The following RARB variants were observed in gnomAD, a reference collection of about 807,000 sequenced individuals.
The protein encoded by RARB is HBV-activated protein.
A neutral mutation model predicts 51.9 loss-of-function variants in RARB; 17 were observed. The ratio of observed to expected loss-of-function variants is 0.33; its 90% CI spans 0.22 to 0.49. The LOEUF is 0.49. Among genes scored for constraint, RARB ranks in the 20% least tolerant of loss-of-function variants. RARB has a pLI of 0.99. For synonymous variants in RARB, 215 were observed against 195.4 expected, an observed-to-expected ratio of 1.10 and a Z score of -0.84; for missense variants, 369 against 550.8, an observed-to-expected ratio of 0.67 and a Z score of 3.30.
chr3:24,944,321 G>A (rs1695730554), intron 2 of RARB, among the ~76,000 whole-genome samples: 1 of 152,174 alleles, frequency 6.6e-6, no homozygotes, highest in Non-Finnish European at 1.5e-5. Context: ...AGAGTCCAGT[G>A]CTTGACACAT....
chr3:25,041,078 TTTC>T (rs535611040), intron 2 of RARB, among the ~76,000 whole-genome samples: 7 of 152,212 alleles, frequency 4.6e-5, no homozygotes, highest in African/African-American at 7.2e-5. Flanking sequence ...CACATTTTGC[TTTC>T]TTCTTACAAC....
intron 5 of RARB, among the ~76,000 whole-genome samples, chr3:25,319,593 C>G (rs1440803514): frequency 6.6e-6 from 1 of 152,216 alleles, no homozygotes; most frequent in African/African-American, 2.4e-5. Flanking sequence ...AGGGTCTTTT[C>G]CTCACAGGCC....
At chr3:25,197,128 A>C (rs1701261999) in intron 5 of RARB, among the ~76,000 whole-genome samples, 2 of 152,124 alleles carry the variant, frequency 1.3e-5, no homozygotes, top group African/African-American at 4.8e-5. Context: ...TGTTTTAGAC[A>C]TGAAGTCCTT....
chr3:25,544,144 C>A, intron 3 of RARB, among the ~76,000 whole-genome samples: 1 of 151,280 alleles, frequency 6.6e-6, no homozygotes, highest in Non-Finnish European at 1.5e-5. Context: ...GAAATATTTA[C>A]AAAGTTAAGT....
intron 5 of RARB, among the ~76,000 whole-genome samples, chr3:25,293,806 G>A (rs533790983): frequency 6.6e-6 from 1 of 152,052 alleles, no homozygotes; most frequent in Admixed American, 6.6e-5. Flanking sequence ...TGAAGAACTG[G>A]TTCTGCTCAC....
chr3:25,127,878 TGA>T (rs533159195), intron 3 of RARB, among the ~76,000 whole-genome samples: 121 of 152,268 alleles, frequency 7.9e-4, no homozygotes, highest in African/African-American at 2.8e-3. Flanking sequence ...ACTTCTGTGT[TGA>T]GTTTTAGTAA....
chr3:24,889,029 AT>A (rs1324916885), intron 2 of RARB, among the ~76,000 whole-genome samples: 1 of 152,172 alleles, frequency 6.6e-6, no homozygotes, highest in Non-Finnish European at 1.5e-5. Flanking sequence ...ATGATTGGGA[AT>A]TTTGCAAATA....
intron 2 of RARB, among the ~76,000 whole-genome samples, chr3:24,930,729 C>T (rs1695420424): frequency 1.3e-5 from 2 of 152,040 alleles, no homozygotes; most frequent in South Asian, 4.1e-4. Context: ...GGAGACCTGG[C>T]CAGGCATGGA....
At chr3:25,255,798 GT>G (rs1702849961) in intron 5 of RARB, among the ~76,000 whole-genome samples, 1 of 152,002 alleles carries the variant, frequency 6.6e-6, no homozygotes, top group African/African-American at 2.4e-5. Context: ...GAAAACAATA[GT>G]TTTAAAAAAA....
At chr3:25,284,386 C>CTTTGAGTAATAAAAATA (rs1249629784) in intron 5 of RARB, among the ~76,000 whole-genome samples, 1 of 151,730 alleles carries the variant, frequency 6.6e-6, no homozygotes, top group Non-Finnish European at 1.5e-5. Context: ...AGCCATTCAG[C>CTTTGAGTAATAAAAATA]TTTGAGTAAT....
At chr3:25,487,274 T>C (rs370561183) in intron 2 of RARB, among the ~76,000 whole-genome samples, 2 of 152,372 alleles carry the variant, frequency 1.3e-5, no homozygotes, top group African/African-American at 2.4e-5. Context: ...TGGGTTACTT[T>C]GGCTTTAAAT....
At chr3:25,526,434 G>A (rs1011209485) in intron 3 of RARB, among the ~76,000 whole-genome samples, 1 of 152,186 alleles carries the variant, frequency 6.6e-6, no homozygotes, top group African/African-American at 2.4e-5. Context: ...ATTCTACTGT[G>A]TGGAGAATAG....
intron 4 of RARB, among the ~76,000 whole-genome samples, chr3:25,143,990 A>G (rs35183943): frequency 0.14 from 21,110 of 152,226 alleles, 1,737 homozygotes; most frequent in South Asian, 0.3. Context: ...TTTCTATGAA[A>G]GATATTCATA....
intron 2 of RARB, among the ~76,000 whole-genome samples, chr3:25,055,619 A>G (rs1384013773): frequency 6.6e-6 from 1 of 152,084 alleles, no homozygotes; most frequent in Non-Finnish European, 1.5e-5. Context: ...TCTTGTGATG[A>G]AGATTGGGGG....
chr3:24,936,691 G>A (rs915323938), intron 2 of RARB, among the ~76,000 whole-genome samples: 1 of 152,176 alleles, frequency 6.6e-6, no homozygotes, highest in Non-Finnish European at 1.5e-5. Flanking sequence ...TTTAAAGCCA[G>A]GCAGAAAATT....
At chr3:25,196,692 G>C (rs540120731) in intron 5 of RARB, among the ~76,000 whole-genome samples, 4 of 152,128 alleles carry the variant, frequency 2.6e-5, no homozygotes, top group African/African-American at 9.7e-5. Context: ...CACCAACAGT[G>C]TAAAGTGTTC....
chr3:25,273,452 C>A (rs1190732918), intron 5 of RARB, among the ~76,000 whole-genome samples: 1 of 152,162 alleles, frequency 6.6e-6, no homozygotes, highest in East Asian at 1.9e-4. Flanking sequence ...TACCCTTTTG[C>A]CTTTTCCCAA....
At chr3:25,343,381 T>C (rs1298267662) in intron 5 of RARB, among the ~76,000 whole-genome samples, 1 of 152,130 alleles carries the variant, frequency 6.6e-6, no homozygotes, top group Non-Finnish European at 1.5e-5. Flanking sequence ...TTGTCTTTAA[T>C]GCATAGTTGT....
At chr3:25,553,458 A>G (rs55970997) in intron 3 of RARB, among the ~76,000 whole-genome samples, 3,551 of 152,256 alleles carry the variant, frequency 0.023, 135 homozygotes, top group African/African-American at 0.081. Flanking sequence ...TTATTTTCCA[A>G]AGGAGCAACA....
Sources: allele counts gnomAD v4.1 joint callset (sites outside exome capture counted in the v4.1 genomes callset), GRCh38; gene constraint gnomAD v4.1.1; transcripts MANE v1.5; gene names NCBI Gene and HGNC (gene_info 2026-07-23, HGNC 2026-07-21).